FAM168A: variants seen among roughly 807,000 people sequenced by gnomAD.
FAM168A encodes protein FAM168A.
A neutral mutation model predicts 28.5 loss-of-function variants in FAM168A; 3 were observed. That is an observed-to-expected ratio of 0.11 (90% CI 0.05 to 0.27). FAM168A has a LOEUF of 0.27. Among genes scored for constraint, FAM168A ranks in the 10% least tolerant of loss-of-function variants. The pLI, the probability that FAM168A is intolerant of heterozygous loss-of-function variation, is 1.00. For missense variants in FAM168A, 222 were observed against 311.5 expected (o/e 0.71, Z 2.16); for synonymous variants, 122 against 124.2 (o/e 0.98, Z 0.12).
At chr11:73,509,616 G>C (rs1250452042) in intron 1 of FAM168A, among the ~76,000 whole-genome samples, 2 of 152,008 alleles carry the variant, frequency 1.3e-5, no homozygotes, top group Non-Finnish European at 2.9e-5. Flanking sequence ...TGCTGTACAG[G>C]GTTCCCATAA....
chr11:73,435,670 A>G (rs1214158463), intron 2 of FAM168A, among the ~76,000 whole-genome samples: 1 of 152,124 alleles, frequency 6.6e-6, no homozygotes, highest in Non-Finnish European at 1.5e-5. Flanking sequence ...ATGTCTGGTC[A>G]GGTATGGTGG....
chr11:73,515,403 G>A (rs1173392916), intron 1 of FAM168A, among the ~76,000 whole-genome samples: 4 of 151,614 alleles, frequency 2.6e-5, no homozygotes, highest in Admixed American at 6.6e-5. Flanking sequence ...AAGCTACTCC[G>A]GAGGCTGAGG....
intron 2 of FAM168A, 95 bp from the exon 3 acceptor site, chr11:73,430,865 GAATCC>G: frequency 1.0e-6 from 1 of 999,732 alleles, no homozygotes. Context: ...TGAGGAAATA[GAATCC>G]AAGTCCTAGG....
intron 1 of FAM168A, among the ~76,000 whole-genome samples, chr11:73,533,686 A>G (rs1252443800): frequency 6.6e-6 from 1 of 152,222 alleles, no homozygotes; most frequent in Admixed American, 6.5e-5. Context: ...AAAATGTATT[A>G]CTGTAACATA....
At chr11:73,498,553 G>A (rs934522423) in intron 1 of FAM168A, among the ~76,000 whole-genome samples, 2 of 152,124 alleles carry the variant, frequency 1.3e-5, no homozygotes, top group Non-Finnish European at 2.9e-5. Flanking sequence ...TGTCTAAGCC[G>A]TTTGAGCTCC....
intron 2 of FAM168A, among the ~76,000 whole-genome samples, chr11:73,445,293 CA>C (rs1867281452): frequency 1.3e-5 from 2 of 151,338 alleles, no homozygotes; most frequent in Non-Finnish European, 2.9e-5. Context: ...ATCGGTCGGA[CA>C]TTAGATATTT....
chr11:73,472,349 C>A (rs1384905344), intron 1 of FAM168A, among the ~76,000 whole-genome samples: 2 of 152,166 alleles, frequency 1.3e-5, no homozygotes, highest in Non-Finnish European at 2.9e-5. Context: ...AATACAAATG[C>A]CCCCAAAGTA....
intron 2 of FAM168A, among the ~76,000 whole-genome samples, chr11:73,465,434 G>C (rs936091285): frequency 6.6e-6 from 1 of 152,122 alleles, no homozygotes; most frequent in Admixed American, 6.5e-5. Flanking sequence ...TCTAGGTAAA[G>C]GGTATTCAAG....
intron 1 of FAM168A, among the ~76,000 whole-genome samples, chr11:73,513,374 T>G (rs1270278145): frequency 7.2e-6 from 1 of 139,364 alleles, no homozygotes; most frequent in Non-Finnish European, 1.5e-5. Context: ...CATGCCCAGC[T>G]AATTTTTTTT....
rs1565292044 is a variant in FAM168A, at chr11:73,545,038, A to AAAATATATTATATATATATATATT, written c.-19+52884_-19+52885insAATATATATATATATAATATATTT. ...TATATAGTATATATAATATATATATATTTTTTGGAGACAGTCTCCCTCTGT... is the reference window on the plus strand; with the variant it reads ...TATATAGTATATATAATATATATATAAAATATATTATATATATATATATTTTTTTTGGAGACAGTCTCCCTCTGT... On this transcript the variant is annotated intron_variant, in intron 1 of 7. Transcript: ENST00000356467. Among the ~76,000 whole-genome samples, 343 of 86,894 alleles carry AAAATATATTATATATATATATATT rather than the reference A, an allele frequency of 3.9e-3. 26 individuals carry two copies. Among genetic ancestry groups the AAAATATATTATATATATATATATT allele is most frequent in the African/African-American group, 0.019 (317 of 16,540 alleles). The allele number at this position is 86,894 out of a possible 152,430, so 57.0% of individuals were successfully genotyped here. A position where few individuals can be genotyped will look rare whatever the true frequency, so the allele number is the denominator to read the frequency against.
chr11:73,565,148 G>A (rs545578120), intron 1 of FAM168A, among the ~76,000 whole-genome samples: 1 of 152,278 alleles, frequency 6.6e-6, no homozygotes, highest in East Asian at 1.9e-4. Context: ...TGTCCACACT[G>A]CAGCAGGACC....
chr11:73,411,955 G>GT (rs1866619550), intron 4 of FAM168A, among the ~76,000 whole-genome samples: 1 of 152,024 alleles, frequency 6.6e-6, no homozygotes, highest in Non-Finnish European at 1.5e-5. Context: ...AGAATCCAGG[G>GT]TATCTTTTTG....
chr11:73,458,255 C>A (rs979030976), intron 2 of FAM168A, among the ~76,000 whole-genome samples: 7 of 152,266 alleles, frequency 4.6e-5, no homozygotes, highest in Admixed American at 4.6e-4. Flanking sequence ...AACAGCAATA[C>A]TTCTTTGTTT....
At position 73,411,475 on chromosome 11, in the gene FAM168A, G is replaced by C. The variant is rs755265980; in HGVS notation, c.339C>G (p.Pro113=). ...GATAGGGGTTGGGTGATGGGGAGTA[G>C]GGGGGTGGAGCAGTGTTACTCTGGG... ...PPTQSNTAPP[P]YSPSPNPYQT... is the part of the protein sequence containing the mutation. Residue 113 remains proline (P), a synonymous_variant, in exon 5 of 8, where the codon CCC becomes CCG. Transcript: ENST00000356467. 52 of 1,613,300 alleles carry C rather than the reference G, an allele frequency of 3.2e-5. No individual in the cohort carries two copies. The highest frequency in any genetic ancestry group is 4.2e-5 in the Non-Finnish European group (50 of 1,179,542).
chr11:73,499,806 C>T (rs1262139209), intron 1 of FAM168A, among the ~76,000 whole-genome samples: 24 of 151,874 alleles, frequency 1.6e-4, no homozygotes, highest in Admixed American at 8.5e-4. Flanking sequence ...TGAAATAAGA[C>T]ATGCAGACAA....
intron 1 of FAM168A, among the ~76,000 whole-genome samples, chr11:73,535,760 C>G (rs1471018114): frequency 6.9e-6 from 1 of 145,906 alleles, no homozygotes; most frequent in Non-Finnish European, 1.5e-5. Context: ...GGGGTATCAC[C>G]ATGTTGTTCA....
At chr11:73,459,874 A>G (rs925224052) in intron 2 of FAM168A, among the ~76,000 whole-genome samples, 13 of 147,932 alleles carry the variant, frequency 8.8e-5, no homozygotes, top group Admixed American at 6.7e-4. Flanking sequence ...AGATAATCCA[A>G]ATGAATTTTT....
At chr11:73,492,625 G>A (rs114129411) in intron 1 of FAM168A, among the ~76,000 whole-genome samples, 1,966 of 152,066 alleles carry the variant, frequency 0.013, 42 homozygotes, top group African/African-American at 0.044. Flanking sequence ...TGGTGACAGA[G>A]CAAAACCTGT....
intron 2 of FAM168A, among the ~76,000 whole-genome samples, chr11:73,461,682 G>C (rs980815071): frequency 6.6e-6 from 1 of 152,140 alleles, no homozygotes; most frequent in African/African-American, 2.4e-5. Context: ...GTCATTGAAG[G>C]GTTTTAAGCA....
Sources: gnomAD v4.1 joint callset for allele counts (sites outside exome capture counted in the v4.1 genomes callset) on GRCh38, gnomAD v4.1.1 for gene constraint, MANE v1.5 for transcripts, NCBI Gene and HGNC (gene_info 2026-07-23, HGNC 2026-07-21) for gene names.